The following NMNAT1 variants were observed in gnomAD, a reference collection of about 807,000 sequenced individuals.
The protein encoded by NMNAT1 is nicotinamide nucleotide adenylyltransferase 1.
In NMNAT1, 11 loss-of-function variants were observed where a neutral mutation model predicts 16.7. That is an observed-to-expected ratio of 0.66 (90% CI 0.41 to 1.09). NMNAT1 has a LOEUF of 1.09. NMNAT1 is among the 50% of genes least tolerant of loss of function. The probability of loss-of-function intolerance (pLI) is 0.00; values close to 1 mark genes in which losing one functional copy is unlikely to be tolerated. For synonymous variants in NMNAT1, 110 were observed against 119.8 expected (o/e 0.92, Z 0.53); for missense variants, 280 against 332.3 (o/e 0.84, Z 1.22).
At chr1:9,965,568 A>C (rs1006825450) in intron 1 of NMNAT1, among the ~76,000 whole-genome samples, 12 of 151,288 alleles carry the variant, frequency 7.9e-5, no homozygotes, top group Admixed American at 6.6e-5. Context: ...CACACTCGCT[A>C]ATTTTTGTAT....
intron 1 of NMNAT1, among the ~76,000 whole-genome samples, chr1:9,968,895 G>A (rs1333958080): frequency 2.1e-5 from 3 of 142,696 alleles, no homozygotes; most frequent in Non-Finnish European, 4.5e-5. Context: ...AGCTGAGATC[G>A]TACCACTGCA....
At chr1:9,945,445 A>G (rs1478516281) in intron 1 of NMNAT1, among the ~76,000 whole-genome samples, 1 of 152,136 alleles carries the variant, frequency 6.6e-6, no homozygotes, top group Non-Finnish European at 1.5e-5. Context: ...TCACACCTGT[A>G]ATCCCAGGAC....
chr1:9,978,527 A>T (rs770256698), intron 3 of NMNAT1, among the ~76,000 whole-genome samples: 1 of 152,230 alleles, frequency 6.6e-6, no homozygotes, highest in Non-Finnish European at 1.5e-5. Flanking sequence ...GCACTGAGTC[A>T]GTAGGAAGTA....
At chr1:9,945,794 C>A (rs1253358417) in intron 1 of NMNAT1, among the ~76,000 whole-genome samples, 1 of 152,178 alleles carries the variant, frequency 6.6e-6, no homozygotes, top group Non-Finnish European at 1.5e-5. Flanking sequence ...TGCCCTGTCA[C>A]CCAGACTGGA....
At chr1:9,994,162 G>A in the NMNAT1 span, among the ~76,000 whole-genome samples, 1 of 136,804 alleles carries the variant, frequency 7.3e-6, no homozygotes, top group Non-Finnish European at 1.5e-5. Flanking sequence ...CCAGGCTGGA[G>A]TGCAATGGTA....
At chr1:9,986,168 T>TG (rs1332928404), downstream of NMNAT1, among the ~76,000 whole-genome samples, 1 of 152,134 alleles carries the variant, frequency 6.6e-6, no homozygotes, top group African/African-American at 2.4e-5. Context: ...CCCAATAAAT[T>TG]TTTCCAAAAC....
downstream of NMNAT1, among the ~76,000 whole-genome samples, chr1:9,990,034 C>A (rs931115501): frequency 6.6e-6 from 1 of 152,222 alleles, no homozygotes; most frequent in African/African-American, 2.4e-5. Flanking sequence ...TGGAATGGCC[C>A]CTGCCAGCGC....
At chr1:9,967,783 C>G (rs945424510) in intron 1 of NMNAT1, among the ~76,000 whole-genome samples, 1 of 151,998 alleles carries the variant, frequency 6.6e-6, no homozygotes, top group African/African-American at 2.4e-5. Flanking sequence ...AGTTTGAGAC[C>G]AGCCTGGGCA....
the NMNAT1 span, among the ~76,000 whole-genome samples, chr1:9,992,746 C>T: frequency 1.3e-5 from 2 of 151,916 alleles, no homozygotes; most frequent in Non-Finnish European, 2.9e-5. Flanking sequence ...CCCATCTCTA[C>T]TAAAAAATAC....
intron 2 of NMNAT1, among the ~76,000 whole-genome samples, chr1:9,975,194 G>A (rs557216459): frequency 6.6e-6 from 1 of 152,196 alleles, no homozygotes; most frequent in South Asian, 2.1e-4. Context: ...TAAAGAAAGA[G>A]AATCTGTGAT....
At chr1:9,987,252 G>A (rs569788111), downstream of NMNAT1, among the ~76,000 whole-genome samples, 11 of 152,190 alleles carry the variant, frequency 7.2e-5, no homozygotes, top group African/African-American at 2.6e-4. Flanking sequence ...GCTCACACCT[G>A]TAATCCCAGC....
chr1:9,995,262 G>A, the NMNAT1 span, among the ~76,000 whole-genome samples: 10 of 152,128 alleles, frequency 6.6e-5, no homozygotes, highest in African/African-American at 2.4e-5. Flanking sequence ...AGTCAGGCAT[G>A]GTGGCACATG....
At chr1:9,943,389 TC>T (rs1640869374), upstream of NMNAT1, 1 of 152,560 alleles carries the variant, frequency 6.6e-6, no homozygotes, top group African/African-American at 2.4e-5. Context: ...GGGGAGCACT[TC>T]CGCTGGACGC....
In NMNAT1 at chr1:9,975,531, T is replaced by C. The variant is rs1641787025; in HGVS notation, c.116-61T>C. 4.7e-6 allele frequency: 6 copies of C among 1,270,468 alleles called. No homozygotes were observed. The African/African-American group carries it at 9.0e-5, about 19-fold the overall frequency. 78.7% of individuals were successfully genotyped at this position (1,270,468 alleles called of 1,614,324 possible). The stretch of plus-strand genomic sequence containing the variant: ...ACAAAACAAATAATATTGATCGTAA[T>C]ATTTCCTGTGCATAAAGTCTAATTT... On this transcript the variant is annotated intron_variant, in intron 2 of 4. Transcript: ENST00000377205.
the NMNAT1 span, among the ~76,000 whole-genome samples, chr1:9,991,947 C>T: frequency 1.8e-4 from 27 of 151,908 alleles, no homozygotes; most frequent in Non-Finnish European, 3.2e-4. Flanking sequence ...CGCCTGTAAT[C>T]CCAGCTACTC....
intron 1 of NMNAT1, among the ~76,000 whole-genome samples, chr1:9,970,845 T>G (rs1432166694): frequency 2.0e-5 from 3 of 152,210 alleles, no homozygotes; most frequent in African/African-American, 7.2e-5. Flanking sequence ...GTTACTATCA[T>G]GTTGACTAAA....
At position 9,972,124 on chromosome 1, in the gene NMNAT1, C is replaced by G. The variant is rs759364014; in HGVS notation, c.51C>G (p.Phe17Leu). 2 of 1,613,044 alleles carry G rather than the reference C, an allele frequency of 1.2e-6. No individual in the cohort carries two copies. Among genetic ancestry groups the G allele is most frequent in the Non-Finnish European group, 1.7e-6 (2 of 1,179,118 alleles). Residue 17 changes from phenylalanine to leucine, a missense_variant, in exon 2 of 5, where the codon TTC (phenylalanine) becomes TTG (leucine). Phe to Leu is a conservative substitution (Grantham distance 22). Coordinates refer to ENST00000377205, the MANE Select transcript of NMNAT1 (RefSeq NM_022787.4). ...TGGTTCTCCTTGCTTGTGGTTCATT[C>G]AATCCCATCACCAACATGCACCTCA... ...TEVVLLACGSFNPITNMHLRL... is the reference protein window; with the variant it reads ...TEVVLLACGSLNPITNMHLRL...
At chr1:9,962,669 A>G (rs1188031694) in intron 1 of NMNAT1, among the ~76,000 whole-genome samples, 2 of 127,152 alleles carry the variant, frequency 1.6e-5, no homozygotes, top group East Asian at 4.6e-4. Flanking sequence ...TCACACAACC[A>G]AATAAGGGTT....
intron 1 of NMNAT1, among the ~76,000 whole-genome samples, chr1:9,968,983 G>A (rs1458250773): frequency 2.0e-5 from 3 of 151,572 alleles, no homozygotes. Flanking sequence ...GGCACAAAAG[G>A]AAGGTTAAGT....
Sources: allele counts gnomAD v4.1 joint callset (sites outside exome capture counted in the v4.1 genomes callset), GRCh38; gene constraint gnomAD v4.1.1; transcripts MANE v1.5; gene names NCBI Gene and HGNC (gene_info 2026-07-23, HGNC 2026-07-21).